The following APOBEC3G variants were observed in gnomAD, a reference collection of about 807,000 sequenced individuals.
APOBEC3G encodes the protein DNA dC->dU-editing enzyme APOBEC-3G.
In APOBEC3G, 44 loss-of-function variants were observed where a neutral mutation model predicts 50.0. That is an observed-to-expected ratio of 0.88 (90% CI 0.69 to 1.13). APOBEC3G has a LOEUF of 1.13. APOBEC3G is among the 50% of genes most tolerant of loss of function. The probability of loss-of-function intolerance (pLI) is 0.00; values close to 1 mark genes in which losing one functional copy is unlikely to be tolerated. For missense variants in APOBEC3G, 469 were observed against 492.0 expected (o/e 0.95, Z 0.44); for synonymous variants, 156 against 175.3 (o/e 0.89, Z 0.87).
At position 39,086,564 on chromosome 22, in the gene APOBEC3G, A is replaced by G. The variant is rs368035373; in HGVS notation, c.1021A>G (p.Ser341Gly). 2.5e-6 allele frequency: 4 copies of G among 1,597,494 alleles called. No individual in the cohort carries two copies. In the African/African-American group the frequency reaches 5.4e-5, roughly 21 times the overall value. ...AGAKISIMTY[S>G]EFKHCWDTFV... ...GGCCAAAATTTCAATAATGACATACAGTGGTGAGAATGGAAGCCTGGAGTA... is the reference window on the plus strand; with the variant it reads ...GGCCAAAATTTCAATAATGACATACGGTGGTGAGAATGGAAGCCTGGAGTA... Residue 341 changes from serine to glycine, a missense_variant, in exon 6 of 8, where the codon AGT (serine) becomes GGT (glycine). Physicochemically the swap from Ser to Gly is moderately conservative, Grantham distance 56 (BLOSUM62 0). Coordinates refer to ENST00000407997, the MANE Select transcript of APOBEC3G (RefSeq NM_021822.4).
chr22:39,085,008 G>T (rs1040115648), intron 5 of APOBEC3G, among the ~76,000 whole-genome samples: 1 of 152,136 alleles, frequency 6.6e-6, no homozygotes, highest in Non-Finnish European at 1.5e-5. Flanking sequence ...AAAGGCACCG[G>T]TCCCCATCAC....
At chr22:39,082,963 C>G (rs1371865130) in intron 4 of APOBEC3G, 1 of 152,774 alleles carries the variant, frequency 6.5e-6, no homozygotes, top group Non-Finnish European at 1.5e-5. Context: ...CTCCTCTTCT[C>G]AGCCTCTCTC....
At chr22:39,080,245 T>C (rs1396258483) in intron 2 of APOBEC3G, 7 of 785,232 alleles carry the variant, frequency 8.9e-6, no homozygotes, top group African/African-American at 1.9e-5. Flanking sequence ...GCTGAGGATG[T>C]CTGGTGAATG....
rs755127255 is a variant in APOBEC3G at position 39,081,063 on chromosome 22, C to A, written c.302C>A (p.Thr101Lys). 1.4e-5 allele frequency: 22 copies of A among 1,614,200 alleles called. No homozygotes were observed. Among genetic ancestry groups the A allele is most frequent in the Non-Finnish European group, 1.8e-5 (21 of 1,180,044 alleles). ...YISWSPCTKC[T>K]RDMATFLAED... ...TCCTGGAGCCCCTGCACAAAGTGTACAAGGGATATGGCCACGTTCCTGGCC... is the reference window on the plus strand; with the variant it reads ...TCCTGGAGCCCCTGCACAAAGTGTAAAAGGGATATGGCCACGTTCCTGGCC... Residue 101 changes from threonine to lysine, a missense_variant, in exon 3 of 8, where the codon ACA becomes AAA. By Grantham distance (78) the Thr-to-Lys change is moderately conservative. Transcript: ENST00000407997.
chr22:39,087,053 G>A lies in APOBEC3G; in HGVS notation c.1067G>A (p.Cys356Tyr), dbSNP rs777551336. The change falls in exon 7 of 8, where the codon TGT (cysteine) becomes TAT (tyrosine). Residue 356 changes from cysteine (C) to tyrosine (Y), a missense_variant. Coordinates refer to ENST00000407997, the MANE Select transcript of APOBEC3G (RefSeq NM_021822.4). ...GACACCTTTGTGGACCACCAGGGAT[G>A]TCCCTTCCAGCCCTGGGATGGACTA... ...CWDTFVDHQG[C>Y]PFQPWDGLDE... 22 of 1,613,336 alleles carry A rather than the reference G, an allele frequency of 1.4e-5. No homozygotes were observed. The highest frequency in any genetic ancestry group is 1.8e-5 in the Non-Finnish European group (21 of 1,179,776).
At chr22:39,083,991 A>G (rs1346107652) in intron 5 of APOBEC3G, 107 bp downstream of exon 5, 1 of 1,362,864 alleles carries the variant, frequency 7.3e-7, no homozygotes, top group African/African-American at 1.5e-5. Flanking sequence ...AGTGTCTGTC[A>G]CCTGTGCTTC....
At chr22:39,077,674 C>G (rs1928221971) in intron 1 of APOBEC3G, among the ~76,000 whole-genome samples, 1 of 152,226 alleles carries the variant, frequency 6.6e-6, no homozygotes, top group Non-Finnish European at 1.5e-5. Context: ...GGTGCTCCCT[C>G]TGTGTGCTTC....
intron 5 of APOBEC3G, among the ~76,000 whole-genome samples, chr22:39,085,184 AGGACAATCACCCCATGACTGG>A (rs1928640169): frequency 6.6e-6 from 1 of 152,206 alleles, no homozygotes; most frequent in African/African-American, 2.4e-5. Flanking sequence ...GGGCTCAACA[AGGACAATCACCCCATGACTGG>A]GGCCCTTCCC....
chr22:39,081,389 AAT>A, intron 3 of APOBEC3G, 80 bp from the exon 4 acceptor site: 2 of 1,536,156 alleles, frequency 1.3e-6, no homozygotes, highest in Non-Finnish European at 1.8e-6. Context: ...TAGTATCTAG[AAT>A]ATGTCTGGGA....
At chr22:39,079,202 A>G (rs1399389018) in intron 2 of APOBEC3G, 117 bp downstream of exon 2, 6 of 1,373,430 alleles carry the variant, frequency 4.4e-6, no homozygotes, top group East Asian at 5.0e-5. Flanking sequence ...CTTCTCTCCC[A>G]CACTTTCCAA....
chr22:39,084,520 C>T (rs1928611761), intron 5 of APOBEC3G, among the ~76,000 whole-genome samples: 1 of 113,320 alleles, frequency 8.8e-6, no homozygotes, highest in African/African-American at 3.1e-5. Context: ...AGCGAGACTC[C>T]GTCTCAAGAA....
At chr22:39,081,301 T>G (rs1253881862) in intron 3 of APOBEC3G, 74 bp downstream of exon 3, 2 of 1,575,568 alleles carry the variant, frequency 1.3e-6, no homozygotes, top group Non-Finnish European at 1.7e-6. Flanking sequence ...CACACATACC[T>G]GTGGGTCTGC....
In APOBEC3G at chr22:39,083,886, T is replaced by G. The variant is rs773857650; in HGVS notation, c.735+2T>G. 1.7e-5 allele frequency: 28 copies of G among 1,612,160 alleles called. No homozygotes were observed. The highest frequency in any genetic ancestry group is 2.1e-5 in the Non-Finnish European group (25 of 1,178,898). On this transcript the variant is annotated splice_donor_variant, in intron 5 of 7. Coordinates refer to ENST00000407997, the MANE Select transcript of APOBEC3G (RefSeq NM_021822.4). LOFTEE classifies it high-confidence loss of function. ...CGCAGGGGCTTTCTATGCAACCAGG[T>G]GACCAACCCAGCCACCCGCATCCAG...
chr22:39,078,723 T>G, intron 1 of APOBEC3G: 3 of 606,350 alleles, frequency 4.9e-6, no homozygotes, highest in Non-Finnish European at 5.5e-6. Context: ...TCTCTCTCTT[T>G]TTTTTTGAGA....
chr22:39,077,216 G>C, upstream of APOBEC3G: 2 of 1,409,096 alleles, frequency 1.4e-6, no homozygotes, highest in Non-Finnish European at 2.0e-6. Flanking sequence ...CTACACCAGC[G>C]CCTGAGCAGG....
At position 39,079,044 on chromosome 22, in the gene APOBEC3G, C is replaced by T; in HGVS notation, c.130C>T (p.Pro44Ser). 2 of 1,614,184 alleles carry T rather than the reference C, an allele frequency of 1.2e-6. No individual in the cohort carries two copies. Among genetic ancestry groups the T allele is most frequent in the Non-Finnish European group, 8.5e-7 (1 of 1,180,020 alleles). The stretch of plus-strand genomic sequence containing the variant: ...GTGCTACGAAGTGAAAACAAAGGGT[C>T]CCTCAAGGCCCCCTTTGGACGCAAA... ...WLCYEVKTKG[P>S]SRPPLDAKIF... Residue 44 changes from proline to serine, a missense_variant, in exon 2 of 8, where the codon CCC (proline) becomes TCC (serine). Pro to Ser is a moderately conservative substitution (Grantham distance 74, BLOSUM62 -1). Coordinates refer to ENST00000407997, the MANE Select transcript of APOBEC3G (RefSeq NM_021822.4).
rs1928585055 is a variant in APOBEC3G at position 39,083,875 on chromosome 22, A to G, written c.726A>G (p.Leu242=). Residue 242 remains leucine, a synonymous_variant, in exon 5 of 8, where the codon CTA becomes CTG. Coordinates refer to ENST00000407997, the MANE Select transcript of APOBEC3G (RefSeq NM_021822.4). The part of the protein sequence containing the change: ...WVLLNQRRGF[L]CNQAPHKHGF... ...TGCTGAACCAGCGCAGGGGCTTTCTATGCAACCAGGTGACCAACCCAGCCA... is the reference window on the plus strand; with the variant it reads ...TGCTGAACCAGCGCAGGGGCTTTCTGTGCAACCAGGTGACCAACCCAGCCA... The G allele has an allele frequency of 6.2e-7, 1 of 1,613,046 alleles. No individual in the cohort carries two copies. Among genetic ancestry groups the G allele is most frequent in the Non-Finnish European group, 8.5e-7 (1 of 1,179,394 alleles).
intron 1 of APOBEC3G, 121 bp from the exon 2 acceptor site, chr22:39,078,811 A>AG: frequency 7.3e-7 from 1 of 1,378,140 alleles, no homozygotes; most frequent in Non-Finnish European, 9.6e-7. Context: ...CGAAATTCTC[A>AG]GGGGAGGGGA....
At chr22:39,077,511 C>T (rs1928211428) in intron 1 of APOBEC3G, 133 bp downstream of exon 1, 1 of 1,462,708 alleles carries the variant, frequency 6.8e-7, no homozygotes, top group East Asian at 2.5e-5. Context: ...CTCCCCTGCA[C>T]CCCCTACTCC....
Sources: gnomAD v4.1 joint callset for allele counts (sites outside exome capture counted in the v4.1 genomes callset) on GRCh38, gnomAD v4.1.1 for gene constraint, MANE v1.5 for transcripts, NCBI Gene and HGNC (gene_info 2026-07-23, HGNC 2026-07-21) for gene names.